The following RASA1 variants were observed in gnomAD, a reference collection of about 807,000 sequenced individuals.
The protein encoded by RASA1 is ras GTPase-activating protein 1.
In RASA1, 25 loss-of-function variants were observed where a neutral mutation model predicts 132.2. That is an observed-to-expected ratio of 0.19 (90% CI 0.14 to 0.26). RASA1 has a LOEUF of 0.26. Among genes scored for constraint, RASA1 ranks in the 10% least tolerant of loss-of-function variants. The pLI is 1.00. For synonymous variants in RASA1, 477 were observed against 449.9 expected (o/e 1.06, Z -0.76); for missense variants, 964 against 1,299.2 (o/e 0.74, Z 3.97).
chr5:87,341,199 G>A, intron 5 of RASA1, 91 bp from the exon 6 acceptor site: 1 of 652,042 alleles, frequency 1.5e-6, no homozygotes, highest in Non-Finnish European at 2.3e-6. Context: ...ATAGTGTGGG[G>A]ATATGTTTGC....
At chr5:87,327,015 A>C (rs1183614441) in intron 1 of RASA1, among the ~76,000 whole-genome samples, 1 of 152,202 alleles carries the variant, frequency 6.6e-6, no homozygotes, top group Non-Finnish European at 1.5e-5. Context: ...TTTTTGAAGA[A>C]GTTTATTAAT....
intron 1 of RASA1, among the ~76,000 whole-genome samples, chr5:87,310,648 A>G (rs1319777066): frequency 6.6e-6 from 1 of 152,170 alleles, no homozygotes; most frequent in Non-Finnish European, 1.5e-5. Context: ...CTTTCCTGGT[A>G]TTGATAGTCT....
chr5:87,386,947 G>A, intron 23 of RASA1, 44 bp downstream of exon 23: 1 of 1,493,670 alleles, frequency 6.7e-7, no homozygotes, highest in Non-Finnish European at 9.3e-7. Flanking sequence ...ACTTCTAGTT[G>A]ATATAGCTGA....
chr5:87,282,348 T>C lies in RASA1; in HGVS notation c.539+13358T>C, dbSNP rs73156326. 4.4e-4 allele frequency among the ~76,000 whole-genome samples: 67 copies of C among 152,368 alleles called. 1 individual carries two copies. Among genetic ancestry groups the C allele is most frequent in the African/African-American group, 1.6e-3 (65 of 41,596 alleles). On this transcript the variant is annotated intron_variant, in intron 1 of 24. Transcript: ENST00000274376. ...GTTTCACCACAAATAAGATTTATGGTTGACAATTCTTTTCTTTCAGAAGTT... is the reference window on the plus strand; with the variant it reads ...GTTTCACCACAAATAAGATTTATGGCTGACAATTCTTTTCTTTCAGAAGTT...
In RASA1 at chr5:87,361,347, G is replaced by A. The variant is rs116183058; in HGVS notation, c.1333-1204G>A. Among the ~76,000 whole-genome samples the A allele has an allele frequency of 9.2e-3, 1,397 of 152,180 alleles. 28 individuals carry two copies. Among genetic ancestry groups the A allele is most frequent in the African/African-American group, 0.031 (1,298 of 41,486 alleles). On this transcript the variant is annotated intron_variant, in intron 9 of 24. Coordinates refer to ENST00000274376, the MANE Select transcript of RASA1 (RefSeq NM_002890.3). ...TAGTAATTTTGTAGCATTAACTTGG[G>A]AATAATTCTGAGTAATGATGAAATA...
rs369616310 is a variant in RASA1, at chr5:87,337,298, G to A, written c.900-676G>A. 1.1e-4 allele frequency among the ~76,000 whole-genome samples: 16 copies of A among 152,078 alleles called. No homozygotes were observed. In the East Asian group the frequency reaches 2.9e-3, roughly 28 times the overall value. ...AGTAAAAGGAAACTAAGTTGTATAT[G>A]CATCTCTGTACTCTTAAATTGGTAA... On this transcript the variant is annotated intron_variant, in intron 4 of 24. Coordinates refer to ENST00000274376, the MANE Select transcript of RASA1 (RefSeq NM_002890.3).
rs181550340 is a variant in RASA1 at position 87,283,753 on chromosome 5, A to G, written c.539+14763A>G. On this transcript the variant is annotated intron_variant, in intron 1 of 24. Transcript: ENST00000274376. ...AAGCTTTTGACCCCTAAGTCTATTT[A>G]ACTACTATGCTACATTCCCACTTCT... Among the ~76,000 whole-genome samples the G allele has an allele frequency of 2.5e-3, 386 of 152,226 alleles. 1 individual carries two copies. Among genetic ancestry groups the G allele is most frequent in the African/African-American group, 8.8e-3 (364 of 41,556 alleles).
In RASA1 at chr5:87,268,319, C is replaced by T. The variant is rs948330325; in HGVS notation, c.-133C>T. 7 of 1,129,734 alleles carry T rather than the reference C, an allele frequency of 6.2e-6. No homozygotes were observed. The highest frequency in any genetic ancestry group is 1.7e-5 in the South Asian group (1 of 57,314). The allele number at this position is 1,129,734 out of a possible 1,614,324, so 70.0% of individuals were successfully genotyped here. On this transcript the variant is annotated 5_prime_UTR_variant, in exon 1 of 25. Transcript: ENST00000274376. ...AGGGGGCGCGGCGGCGGGCTCTCTC[C>T]TTTTGTTGTTGTTTCCTCAGCCTGG...
intron 13 of RASA1, among the ~76,000 whole-genome samples, chr5:87,372,575 G>A (rs1761027107): frequency 6.6e-6 from 1 of 152,052 alleles, no homozygotes; most frequent in Non-Finnish European, 1.5e-5. Flanking sequence ...TTTTCATTTT[G>A]AAGAACAGCT....
intron 12 of RASA1, 99 bp from the exon 13 acceptor site, chr5:87,372,019 A>G: frequency 1.1e-6 from 1 of 919,064 alleles, no homozygotes; most frequent in South Asian, 1.6e-5. Context: ...AGTCTAGAGA[A>G]GGAAAAAATT....
chr5:87,311,915 G>C (rs1342190345), intron 1 of RASA1, among the ~76,000 whole-genome samples: 1 of 152,178 alleles, frequency 6.6e-6, no homozygotes, highest in African/African-American at 2.4e-5. Context: ...CCTTGGGTGG[G>C]CAAGGGCCAA....
intron 1 of RASA1, among the ~76,000 whole-genome samples, chr5:87,287,103 A>C (rs1419322752): frequency 6.8e-6 from 1 of 147,696 alleles, no homozygotes; most frequent in African/African-American, 2.5e-5. Context: ...TACACACCAT[A>C]TATATACACA....
chr5:87,374,278 G>C lies in RASA1; in HGVS notation c.1892G>C (p.Arg631Thr). Residue 631 changes from arginine (R) to threonine (T), a missense_variant, in exon 14 of 25, where the codon AGG (arginine) becomes ACG (threonine). By Grantham distance (71) the Arg-to-Thr change is moderately conservative. This residue lies in a region of RASA1 where 346 missense variants were observed against 520.1 expected (regional missense o/e 0.67). Coordinates refer to ENST00000274376, the MANE Select transcript of RASA1 (RefSeq NM_002890.3). Reference protein sequence around the residue: ...NSVQVAKTHAREGQNPVWSEE... With the variant: ...NSVQVAKTHATEGQNPVWSEE... ...GTCCAAGTAGCAAAAACTCATGCAA[G>C]GGAAGGGCAAAACCCAGTATGGTCA... 1 of 1,604,984 alleles carries C rather than the reference G, an allele frequency of 6.2e-7. No individual in the cohort carries two copies. The highest frequency in any genetic ancestry group is 8.5e-7 in the Non-Finnish European group (1 of 1,174,804).
intron 7 of RASA1, among the ~76,000 whole-genome samples, chr5:87,346,928 T>C (rs1758904778): frequency 6.6e-6 from 1 of 152,026 alleles, no homozygotes; most frequent in Admixed American, 6.6e-5. Context: ...TGTTTTTCTT[T>C]TACCCCAGGC....
chr5:87,337,104 A>G (rs1169981157), intron 4 of RASA1, among the ~76,000 whole-genome samples: 1 of 152,090 alleles, frequency 6.6e-6, no homozygotes, highest in Non-Finnish European at 1.5e-5. Context: ...ACAGTTATAG[A>G]TACAGGGTTA....
intron 1 of RASA1, among the ~76,000 whole-genome samples, chr5:87,310,801 G>T (rs1362778009): frequency 1.3e-5 from 2 of 152,078 alleles, no homozygotes. Flanking sequence ...ATGGTACAAA[G>T]CAAAAACTTC....
At chr5:87,313,487 T>C (rs1346175475) in intron 1 of RASA1, among the ~76,000 whole-genome samples, 2 of 152,200 alleles carry the variant, frequency 1.3e-5, no homozygotes, top group Non-Finnish European at 2.9e-5. Flanking sequence ...TTATGACTTT[T>C]GAATTTCCAC....
At chr5:87,281,409 C>T (rs1217802961) in intron 1 of RASA1, among the ~76,000 whole-genome samples, 1 of 151,774 alleles carries the variant, frequency 6.6e-6, no homozygotes, top group Admixed American at 6.6e-5. Flanking sequence ...CGAGTGCCAA[C>T]ACTTTTTATT....
rs1020185766 is a variant in RASA1, at chr5:87,331,649, TAG to T, written c.692+155_692+156del. ...CAGTCAAATGATTTAATCAGTGATT[TAG>T]AGAGATTCTTTTGAATGTTTACATT... On this transcript the variant is annotated intron_variant, in intron 2 of 24. Coordinates refer to ENST00000274376, the MANE Select transcript of RASA1 (RefSeq NM_002890.3). The T allele has an allele frequency of 4.2e-6, 4 of 944,904 alleles. No homozygotes were observed. The African/African-American group carries it at 6.7e-5, about 16-fold the overall frequency. 58.5% of individuals were successfully genotyped at this position (944,904 alleles called of 1,614,324 possible).
Sources: allele counts gnomAD v4.1 joint callset (sites outside exome capture counted in the v4.1 genomes callset), GRCh38; gene constraint gnomAD v4.1.1; regional missense constraint gnomAD v4.1.1; transcripts MANE v1.5; gene names NCBI Gene and HGNC (gene_info 2026-07-23, HGNC 2026-07-21).